CCDC171: variants seen among roughly 807,000 people sequenced by gnomAD.
CCDC171 encodes coiled-coil domain-containing protein 171.
CCDC171 carries 177 observed loss-of-function variants against 168.2 expected under a neutral mutation model. That is an observed-to-expected ratio of 1.05 (90% confidence interval 0.93 to 1.19). CCDC171 has a LOEUF of 1.19. Among genes scored for constraint, CCDC171 ranks in the 50% most tolerant of loss-of-function variants. The probability of loss-of-function intolerance (pLI) is 0.00; values close to 1 mark genes in which losing one functional copy is unlikely to be tolerated. For missense variants in CCDC171, 1,991 were observed against 1,539.0 expected (o/e 1.29, Z -4.91); for synonymous variants, 687 against 540.8 (o/e 1.27, Z -3.75).
At chr9:16,000,572 A>G (rs182058185) in intron 3 of CCDC171, among the ~76,000 whole-genome samples, 1 of 152,196 alleles carries the variant, frequency 6.6e-6, no homozygotes, top group Non-Finnish European at 1.5e-5. Flanking sequence ...AAAAGATATG[A>G]AATATTCATC....
At chr9:15,967,136 C>T (rs1589271944) in intron 25 of CCDC171, among the ~76,000 whole-genome samples, 1 of 152,244 alleles carries the variant, frequency 6.6e-6, no homozygotes, top group South Asian at 2.1e-4. Context: ...TTGGCTAACT[C>T]ATCTGAAGTA....
intron 21 of CCDC171, among the ~76,000 whole-genome samples, chr9:15,792,457 C>T (rs2058318321): frequency 6.6e-6 from 1 of 152,042 alleles, no homozygotes; most frequent in East Asian, 1.9e-4. Context: ...CATTCAAATT[C>T]AGGAAATACA....
chr9:15,856,722 A>G (rs2061361461), intron 23 of CCDC171, among the ~76,000 whole-genome samples: 1 of 152,002 alleles, frequency 6.6e-6, no homozygotes, highest in South Asian at 2.1e-4. Context: ...ATAAATACCC[A>G]GAAGTGGTTG....
intron 3 of CCDC171, among the ~76,000 whole-genome samples, chr9:15,986,364 G>T (rs539275456): frequency 5.7e-4 from 87 of 152,284 alleles, no homozygotes; most frequent in African/African-American, 2.0e-3. Context: ...ATGTCTGTCT[G>T]CAATCACCTT....
At chr9:15,580,181 G>T (rs1180932760) in intron 4 of CCDC171, among the ~76,000 whole-genome samples, 2 of 152,140 alleles carry the variant, frequency 1.3e-5, no homozygotes, top group Non-Finnish European at 2.9e-5. Flanking sequence ...GAAGAGTGAA[G>T]CTGGATCTTT....
chr9:15,847,385 A>G (rs2060943720), intron 22 of CCDC171, among the ~76,000 whole-genome samples: 2 of 152,090 alleles, frequency 1.3e-5, no homozygotes, highest in Non-Finnish European at 2.9e-5. Flanking sequence ...TTTTAAGTAG[A>G]AAAATATAGT....
At chr9:15,681,696 C>A (rs1355171) in intron 10 of CCDC171, among the ~76,000 whole-genome samples, 78,495 of 151,704 alleles carry the variant, frequency 0.52, 20,624 homozygotes, top group East Asian at 0.76. Flanking sequence ...AGAAGGCTTG[C>A]AAAGTTTCTC....
At chr9:15,710,561 A>G (rs2052585278) in intron 11 of CCDC171, among the ~76,000 whole-genome samples, 1 of 151,872 alleles carries the variant, frequency 6.6e-6, no homozygotes, top group Non-Finnish European at 1.5e-5. Flanking sequence ...TCGACCTCCC[A>G]AAGTGCTGGG....
Position 15,728,042 on chromosome 9 carries a change from T to A in CCDC171, c.1860+6T>A, listed in dbSNP as rs1004860744. The A allele has an allele frequency of 1.2e-6, 2 of 1,605,098 alleles. No individual in the cohort carries two copies. The highest frequency in any genetic ancestry group is 1.7e-5 in the Admixed American group (1 of 59,162). On this transcript the variant is annotated splice_donor_region_variant and intron_variant, in intron 15 of 25. Coordinates refer to ENST00000380701, the MANE Select transcript of CCDC171 (RefSeq NM_173550.4). The stretch of plus-strand genomic sequence containing the variant: ...TCAACAGGGCTAATGAGAAGGTAAC[T>A]GTCCTCAGGCACCAGATACCTCTAT...
chr9:15,903,902 G>C (rs888983012), intron 24 of CCDC171, among the ~76,000 whole-genome samples: 1 of 152,200 alleles, frequency 6.6e-6, no homozygotes, highest in Non-Finnish European at 1.5e-5. Flanking sequence ...TAGCCGATTT[G>C]ATCAACTGGA....
intron 23 of CCDC171, among the ~76,000 whole-genome samples, chr9:15,861,228 T>TA (rs2061544508): frequency 2.6e-5 from 4 of 151,540 alleles, no homozygotes; most frequent in South Asian, 2.1e-4. Context: ...TTTTTTTTTT[T>TA]AAATCCGTTC....
At chr9:15,959,261 A>G (rs1367300548) in intron 25 of CCDC171, among the ~76,000 whole-genome samples, 1 of 152,152 alleles carries the variant, frequency 6.6e-6, no homozygotes, top group African/African-American at 2.4e-5. Context: ...TGGCCTTTCC[A>G]TCCATTTCTA....
In CCDC171 at chr9:15,784,766, AT is replaced by A. The variant is rs2057851233; in HGVS notation, c.3267+73del. The stretch of plus-strand genomic sequence containing the variant: ...TGTGGATCTTAGAGGGAATTATGAT[AT>A]CTCCTGAATAGGAATAGATCCCAAG... On this transcript the variant is annotated intron_variant, in intron 21 of 25. Coordinates refer to ENST00000380701, the MANE Select transcript of CCDC171 (RefSeq NM_173550.4). 2.7e-6 allele frequency: 3 copies of A among 1,123,726 alleles called. No individual in the cohort carries two copies. In the South Asian group the frequency reaches 4.6e-5, roughly 17 times the overall value. 69.6% of individuals were successfully genotyped at this position (1,123,726 alleles called of 1,614,324 possible). A position where few individuals can be genotyped will look rare whatever the true frequency, so the allele number is the denominator to read the frequency against.
chr9:15,959,562 C>G (rs1044722390), intron 25 of CCDC171, among the ~76,000 whole-genome samples: 1 of 152,002 alleles, frequency 6.6e-6, no homozygotes, highest in Non-Finnish European at 1.5e-5. Flanking sequence ...TAGCAAAGAG[C>G]TTTGAAACCT....
intron 24 of CCDC171, chr9:15,875,073 A>T (rs1817669345): frequency 6.6e-6 from 1 of 152,396 alleles, no homozygotes; most frequent in South Asian, 2.1e-4. Flanking sequence ...TGTAAACATC[A>T]AAAGAGATAC....
intron 6 of CCDC171, among the ~76,000 whole-genome samples, chr9:15,605,492 A>G (rs893120230): frequency 1.4e-5 from 2 of 146,918 alleles, no homozygotes; most frequent in Admixed American, 6.9e-5. Flanking sequence ...ATCCTGGCCA[A>G]CACTGTGAAA....
intron 3 of CCDC171, among the ~76,000 whole-genome samples, chr9:15,994,995 G>A (rs557333179): frequency 1.7e-4 from 26 of 152,282 alleles, no homozygotes; most frequent in South Asian, 1.2e-3. Flanking sequence ...CAGGCCAGAG[G>A]TTGTGCCAGG....
intron 24 of CCDC171, among the ~76,000 whole-genome samples, chr9:15,891,992 C>T (rs1393015401): frequency 1.3e-5 from 2 of 152,058 alleles, no homozygotes; most frequent in African/African-American, 4.8e-5. Context: ...TCCCCAATCC[C>T]CCATCTTTTT....
At chr9:16,023,507 A>T (rs1011629940) in intron 6 of CCDC171, among the ~76,000 whole-genome samples, 4 of 152,176 alleles carry the variant, frequency 2.6e-5, no homozygotes, top group African/African-American at 9.7e-5. Context: ...ATTTATTCCT[A>T]TAGCTTGAGG....
Sources: gnomAD v4.1 joint callset for allele counts (sites outside exome capture counted in the v4.1 genomes callset) on GRCh38, gnomAD v4.1.1 for gene constraint, MANE v1.5 for transcripts, NCBI Gene and HGNC (gene_info 2026-07-23, HGNC 2026-07-21) for gene names.